NEK6: variants seen among roughly 807,000 people sequenced by gnomAD.
NEK6 encodes serine/threonine-protein kinase Nek6.
In NEK6, 27 loss-of-function variants were observed where a neutral mutation model predicts 43.5. That is an observed-to-expected ratio of 0.62 (90% confidence interval 0.46 to 0.86). The LOEUF is 0.86. Ranked by LOEUF, NEK6 falls within the 40% of genes least tolerant of loss-of-function variation. NEK6 has a pLI of 0.00. For missense variants in NEK6, 318 were observed against 414.4 expected, an observed-to-expected ratio of 0.77 and a Z score of 2.02; for synonymous variants, 167 against 164.1, an observed-to-expected ratio of 1.02 and a Z score of -0.14.
intron 7 of NEK6, among the ~76,000 whole-genome samples, chr9:124,337,639 C>T (rs1009254896): frequency 1.3e-5 from 2 of 152,220 alleles, no homozygotes; most frequent in Non-Finnish European, 2.9e-5. Context: ...TGTGAACAGA[C>T]CACAGTTTAT....
chr9:124,258,407 C>A, intron 1 of NEK6: 1 of 923,394 alleles, frequency 1.1e-6, no homozygotes, highest in African/African-American at 1.8e-5. Context: ...CTACCCACTT[C>A]CCGAGTGGGG....
chr9:124,332,552 G>A (rs1588528636), intron 7 of NEK6, among the ~76,000 whole-genome samples: 1 of 152,114 alleles, frequency 6.6e-6, no homozygotes. Context: ...CCAATGTCCC[G>A]CCGGCTGGAC....
Position 124,273,632 on chromosome 9 carries a change from C to T in NEK6, c.-30+15547C>T, listed in dbSNP as rs190490591. Among the ~76,000 whole-genome samples, 14 of 152,266 alleles carry T rather than the reference C, an allele frequency of 9.2e-5. No individual in the cohort carries two copies. In the East Asian group the frequency reaches 2.5e-3, roughly 27 times the overall value. On this transcript the variant is annotated intron_variant, in intron 1 of 9. Coordinates refer to ENST00000320246, the MANE Select transcript of NEK6 (RefSeq NM_014397.6). ...TCCCGTCCCACCGTTGGCAAGCAGTCCTTAAACGGCAAAGAAACAGCCGTG... is the reference window on the plus strand; with the variant it reads ...TCCCGTCCCACCGTTGGCAAGCAGTTCTTAAACGGCAAAGAAACAGCCGTG...
chr9:124,284,423 A>G (rs1255069223), intron 1 of NEK6, among the ~76,000 whole-genome samples: 1 of 152,240 alleles, frequency 6.6e-6, no homozygotes, highest in Non-Finnish European at 1.5e-5. Context: ...ATGAGGCCTC[A>G]AGTGAACGGA....
chr9:124,287,249 A>G (rs1466921270), intron 1 of NEK6, among the ~76,000 whole-genome samples: 12 of 152,174 alleles, frequency 7.9e-5, no homozygotes, highest in Non-Finnish European at 1.6e-4. Context: ...TCCTTTGTGT[A>G]GGCTCACTTT....
intron 7 of NEK6, among the ~76,000 whole-genome samples, chr9:124,338,470 G>C (rs369318960): frequency 1.3e-5 from 2 of 152,226 alleles, no homozygotes; most frequent in Admixed American, 1.3e-4. Flanking sequence ...TGAAGAGTCC[G>C]TTGTCAGGTG....
At chr9:124,347,931 A>G in intron 9 of NEK6, 109 bp downstream of exon 9, 1 of 663,672 alleles carries the variant, frequency 1.5e-6, no homozygotes, top group Non-Finnish European at 2.7e-6. Context: ...CTCACTTTAC[A>G]CGGTGCAGAA....
chr9:124,298,437 G>A (rs1028005158), intron 1 of NEK6, among the ~76,000 whole-genome samples: 6 of 152,080 alleles, frequency 3.9e-5, no homozygotes, highest in African/African-American at 1.2e-4. Flanking sequence ...CACCACTGGG[G>A]TAGACAGTGG....
chr9:124,258,748 A>T (rs1359407925), intron 1 of NEK6, among the ~76,000 whole-genome samples: 1 of 152,222 alleles, frequency 6.6e-6, no homozygotes, highest in African/African-American at 2.4e-5. Context: ...ACCAGGGGCC[A>T]GGAGGGCAGA....
rs751958560 is a variant in NEK6 at position 124,326,402 on chromosome 9, G to A, written c.478G>A (p.Val160Met). 13 of 1,610,644 alleles carry A rather than the reference G, an allele frequency of 8.1e-6. No homozygotes were observed. The East Asian group carries it at 1.8e-4, about 22-fold the overall frequency. Residue 160 changes from valine (V) to methionine (M), a missense_variant, in exon 6 of 10, where the codon GTG (valine) becomes ATG (methionine). Transcript: ENST00000320246. The surrounding 1 kb of genome is among the most constrained non-coding windows in gnomAD (Gnocchi z 4.5). ...WKYFVQLCSA[V>M]EHMHSRRVMH... ...GTACTTTGTGCAGCTGTGCAGCGCC[G>A]TGGAGCACATGCATTCACGCCGGGT...
chr9:124,291,879 C>T (rs527914252), intron 1 of NEK6: 15 of 985,592 alleles, frequency 1.5e-5, no homozygotes, highest in South Asian at 9.4e-5. Context: ...TTTAGAGCAG[C>T]GCATGGTGGG....
intron 8 of NEK6, 21 bp from the exon 9 acceptor site, chr9:124,347,688 C>G (rs368521099): frequency 9.4e-6 from 14 of 1,487,774 alleles, no homozygotes; most frequent in African/African-American, 7.0e-5. Context: ...AGCTTATCTT[C>G]GTTGTTCCCG....
intron 2 of NEK6, among the ~76,000 whole-genome samples, chr9:124,304,801 G>A (rs370780541): frequency 4.6e-5 from 7 of 152,134 alleles, no homozygotes; most frequent in South Asian, 2.1e-4. Context: ...TGCTGAAACC[G>A]GCAGAACCAT....
At chr9:124,295,076 T>A (rs2119082867) in intron 1 of NEK6, among the ~76,000 whole-genome samples, 1 of 152,308 alleles carries the variant, frequency 6.6e-6, no homozygotes, top group South Asian at 2.1e-4. Flanking sequence ...CTCCTGATGC[T>A]GCAGGCCCAC....
Position 124,324,961 on chromosome 9 carries a change from G to A in NEK6, c.406-1369G>A, listed in dbSNP as rs1834260724. ...AGGCCGAGGCAGGCAGATCACCTGA[G>A]GTGAGGAGTTCGAGACCAGCCTGGC... On this transcript the variant is annotated intron_variant, in intron 5 of 9. Coordinates refer to ENST00000320246, the MANE Select transcript of NEK6 (RefSeq NM_014397.6). The surrounding 1 kb of genome is among the most constrained non-coding windows in gnomAD (Gnocchi z 5.3). Among the ~76,000 whole-genome samples, 1 of 152,170 alleles carries A rather than the reference G, an allele frequency of 6.6e-6. No individual in the cohort carries two copies. The highest frequency in any genetic ancestry group is 2.4e-5 in the African/African-American group (1 of 41,436).
upstream of NEK6, chr9:124,257,786 G>C: frequency 1.4e-6 from 2 of 1,454,824 alleles, no homozygotes; most frequent in Non-Finnish European, 1.8e-6. Flanking sequence ...CGAGCGGATC[G>C]GCCGCAGAAC....
upstream of NEK6, chr9:124,257,764 G>T (rs1194363007): frequency 3.3e-6 from 5 of 1,501,208 alleles, no homozygotes; most frequent in Non-Finnish European, 4.4e-6. Context: ...AATGGGGAAG[G>T]GGTTCCTCGG....
intron 9 of NEK6, among the ~76,000 whole-genome samples, chr9:124,348,899 G>C (rs1830103955): frequency 6.6e-6 from 1 of 152,222 alleles, no homozygotes. Context: ...AAGTTAAAAA[G>C]ACCGGTGAGG....
At chr9:124,293,124 T>C in intron 1 of NEK6, 1 of 1,243,434 alleles carries the variant, frequency 8.0e-7, no homozygotes, top group Non-Finnish European at 1.0e-6. Context: ...TGCATTGTGG[T>C]CACCAAGGAT....
Sources: gnomAD v4.1 joint callset for allele counts (sites outside exome capture counted in the v4.1 genomes callset) on GRCh38, gnomAD v4.1.1 for gene constraint, Gnocchi (gnomAD v3.1) non-coding constraint, MANE v1.5 for transcripts, NCBI Gene and HGNC (gene_info 2026-07-23, HGNC 2026-07-21) for gene names.